Variants in SH3GLB2 observed in about 807,000 individuals in gnomAD.
SH3GLB2 encodes the protein SH3 domain containing GRB2 like, endophilin B2, also known as endophilin-B2.
A neutral mutation model predicts 48.0 loss-of-function variants in SH3GLB2; 24 were observed. The observed-to-expected ratio is 0.50, with a 90% CI of 0.36 to 0.70. The LOEUF (loss-of-function observed/expected upper bound fraction) is 0.70. Among genes scored for constraint, SH3GLB2 ranks in the 30% least tolerant of loss-of-function variants. SH3GLB2 has a pLI of 0.00. For synonymous variants in SH3GLB2, 227 were observed against 207.6 expected (o/e 1.09, Z -0.80); for missense variants, 425 against 516.0 (o/e 0.82, Z 1.71).
intron 1 of SH3GLB2, among the ~76,000 whole-genome samples, chr9:129,026,492 G>A (rs1434561497): frequency 6.6e-6 from 1 of 152,134 alleles, no homozygotes; most frequent in African/African-American, 2.4e-5. Context: ...TGGCAGCAGT[G>A]GGGTGGGCGT....
rs1564575742 is a variant in SH3GLB2, at chr9:129,010,650, CCCCCCAGG to C, written c.648+12_648+19del. 6.2e-7 allele frequency: 1 copy of C among 1,613,510 alleles called. No individual in the cohort carries two copies. Among genetic ancestry groups the C allele is most frequent in the Admixed American group, 1.7e-5 (1 of 59,998 alleles). ...GCCACCCCTTCTTCCTCGAGCCCAG[CCCCCCAGG>C]CCCCAACTTACCTTGTCCACTTCAT... On this transcript the variant is annotated intron_variant, in intron 7 of 10. Transcript: ENST00000372564.
intron 7 of SH3GLB2, 39 bp from the exon 8 acceptor site, chr9:129,010,248 C>T: frequency 6.4e-7 from 1 of 1,560,196 alleles, no homozygotes; most frequent in Non-Finnish European, 8.8e-7. Flanking sequence ...CCACACACCA[C>T]CCACCAGCTT....
At chr9:129,023,642 A>G (rs988441751) in intron 1 of SH3GLB2, among the ~76,000 whole-genome samples, 27 of 152,124 alleles carry the variant, frequency 1.8e-4, no homozygotes, top group African/African-American at 5.8e-4. Context: ...TCGGTCAGCC[A>G]TGAATCATCC....
At chr9:129,013,987 T>A in intron 5 of SH3GLB2, 1 of 462,542 alleles carries the variant, frequency 2.2e-6, no homozygotes, top group Non-Finnish European at 4.3e-6. Flanking sequence ...AGCTCCCAGG[T>A]TTTCCACACC....
rs372790260 is a variant in SH3GLB2, at chr9:129,022,030, T to C, written c.205+252A>G. ...TTTTGCCTGCCTCTTCTCCCACGTG[T>C]GTTTTAGCTTCCAGGCATTTTAACT... is the stretch of plus-strand genomic sequence containing the variant. On this transcript the variant is annotated intron_variant, in intron 2 of 10. Coordinates refer to ENST00000372564, the MANE Select transcript of SH3GLB2 (RefSeq NM_020145.4). 9.9e-5 allele frequency among the ~76,000 whole-genome samples: 15 copies of C among 151,470 alleles called. No individual in the cohort carries two copies. In the South Asian group the frequency reaches 3.1e-3, roughly 32 times the overall value.
chr9:129,022,537 C>T, intron 1 of SH3GLB2, 114 bp from the exon 2 acceptor site: 1 of 953,038 alleles, frequency 1.0e-6, no homozygotes, highest in Non-Finnish European at 1.6e-6. Context: ...CAGGCAGGCC[C>T]CAGGGTCAAG....
rs879776266 is a variant in SH3GLB2 at position 129,014,723 on chromosome 9, G to A, written c.468+48C>T. The A allele has an allele frequency of 7.5e-6, 12 of 1,591,252 alleles. No homozygotes were observed. The highest frequency in any genetic ancestry group is 6.8e-6 in the Non-Finnish European group (8 of 1,169,532). On this transcript the variant is annotated intron_variant, in intron 4 of 10. Transcript: ENST00000372564. The surrounding 1 kb of genome is among the most constrained non-coding windows in gnomAD (Gnocchi z 4.1). Reference sequence around the variant, plus strand: ...AGCCTGTACTCAAAGGCTCTGAGGAGGGAACTGCCATGGTTACCAGGAAGC... The same window carrying A: ...AGCCTGTACTCAAAGGCTCTGAGGAAGGAACTGCCATGGTTACCAGGAAGC...
At chr9:129,009,408 C>A in intron 9 of SH3GLB2, 62 bp from the exon 10 acceptor site, 2 of 1,550,492 alleles carry the variant, frequency 1.3e-6, no homozygotes, top group Non-Finnish European at 1.7e-6. Flanking sequence ...GAGGCAAACT[C>A]CCCTCCCCAG....
rs977210201 is a variant in SH3GLB2, at chr9:129,014,332, C to G, written c.561+79G>C. 1.4e-5 allele frequency: 19 copies of G among 1,327,146 alleles called. No individual in the cohort carries two copies. The Admixed American group carries it at 3.6e-4, about 25-fold the overall frequency. 82.2% of individuals were successfully genotyped at this position (1,327,146 alleles called of 1,614,324 possible). On this transcript the variant is annotated intron_variant, in intron 5 of 10. Coordinates refer to ENST00000372564, the MANE Select transcript of SH3GLB2 (RefSeq NM_020145.4). The surrounding 1 kb of genome is among the most constrained non-coding windows in gnomAD (Gnocchi z 4.1). ...GAGGGGAGAGAGGTCATGCCAAATA[C>G]CAGGTCCCTTCATGCCACCACCCCT...
intron 1 of SH3GLB2, among the ~76,000 whole-genome samples, chr9:129,027,447 T>C (rs2131313021): frequency 6.6e-6 from 1 of 152,292 alleles, no homozygotes; most frequent in East Asian, 1.9e-4. Flanking sequence ...CCTGTTACTC[T>C]CTGCCCCTAA....
chr9:129,022,695 C>T (rs1448252839), intron 1 of SH3GLB2, among the ~76,000 whole-genome samples: 2 of 152,226 alleles, frequency 1.3e-5, no homozygotes, highest in Admixed American at 6.5e-5. Flanking sequence ...CAAAAATGCA[C>T]CTTCATATAC....
intron 1 of SH3GLB2, among the ~76,000 whole-genome samples, chr9:129,023,204 T>G (rs1843929871): frequency 6.6e-6 from 1 of 152,110 alleles, no homozygotes; most frequent in Non-Finnish European, 1.5e-5. Flanking sequence ...GCCAAACGGT[T>G]GGCTTTGGCC....
At position 129,028,017 on chromosome 9, in the gene SH3GLB2, A is replaced by G. The variant is rs915758198; in HGVS notation, c.63+75T>C. On this transcript the variant is annotated intron_variant, in intron 1 of 10. Coordinates refer to ENST00000372564, the MANE Select transcript of SH3GLB2 (RefSeq NM_020145.4). ...CCCGGGAGGGCTTTCCCGCGTCCCCAGGCGTCTGCCGCAGGGTGCTCCCCG... is the reference window on the plus strand; with the variant it reads ...CCCGGGAGGGCTTTCCCGCGTCCCCGGGCGTCTGCCGCAGGGTGCTCCCCG... The G allele has an allele frequency of 1.1e-5, 15 of 1,384,562 alleles. No individual in the cohort carries two copies. In the African/African-American group the frequency reaches 2.3e-4, roughly 21 times the overall value. 85.8% of individuals were successfully genotyped at this position (1,384,562 alleles called of 1,614,324 possible).
chr9:129,014,140 T>G lies in SH3GLB2; in HGVS notation c.561+271A>C. On this transcript the variant is annotated intron_variant, in intron 5 of 10. Coordinates refer to ENST00000372564, the MANE Select transcript of SH3GLB2 (RefSeq NM_020145.4). This position sits in a 1 kb window ranked among gnomAD's most constrained non-coding sequence, Gnocchi z 4.1. ...GGGCAGGGCAGGGCATGCAGGAGAC[T>G]CCAGCTGCCTGGCGGGGTGGTGCAC... The G allele has an allele frequency of 3.3e-6, 2 of 611,260 alleles. No homozygotes were observed. The highest frequency in any genetic ancestry group is 1.6e-5 in the South Asian group (1 of 61,448). 37.9% of individuals were successfully genotyped at this position (611,260 alleles called of 1,614,324 possible).
intron 1 of SH3GLB2, among the ~76,000 whole-genome samples, chr9:129,027,015 C>G (rs1844202164): frequency 6.6e-6 from 1 of 152,106 alleles, no homozygotes; most frequent in Non-Finnish European, 1.5e-5. Context: ...GAACTGTACT[C>G]AACAGAAACA....
Position 129,014,866 on chromosome 9 carries a change from G to C in SH3GLB2, c.373C>G (p.Leu125Val). Reference protein sequence around the residue: ...LIKVAEAEKQLGAAERDFIHT... With the variant: ...LIKVAEAEKQVGAAERDFIHT... ...ATAAAATCCCTCTCCGCGGCTCCCA[G>C]TTGCTTTTCAGCTTCTGCCACCTTG... Residue 125 changes from leucine (L) to valine (V), a missense_variant, in exon 4 of 11, where the codon CTG becomes GTG. By Grantham distance (32) the Leu-to-Val change is conservative. Transcript: ENST00000372564. This position sits in a 1 kb window ranked among gnomAD's most constrained non-coding sequence, Gnocchi z 4.1. 1 of 1,614,100 alleles carries C rather than the reference G, an allele frequency of 6.2e-7. No homozygotes were observed. The highest frequency in any genetic ancestry group is 8.5e-7 in the Non-Finnish European group (1 of 1,180,034).
chr9:129,016,154 A>G (rs1477658564), intron 3 of SH3GLB2, among the ~76,000 whole-genome samples: 1 of 151,562 alleles, frequency 6.6e-6, no homozygotes, highest in Non-Finnish European at 1.5e-5. Flanking sequence ...ACCAACCTGG[A>G]CAACATGGCA....
rs779458627 is a variant in SH3GLB2, at chr9:129,009,817, C to T, written c.793G>A (p.Ala265Thr). 21 of 1,613,874 alleles carry T rather than the reference C, an allele frequency of 1.3e-5. No homozygotes were observed. Among genetic ancestry groups the T allele is most frequent in the Non-Finnish European group, 1.6e-5 (19 of 1,179,960 alleles). Residue 265 changes from alanine to threonine, a missense_variant, in exon 9 of 11, where the codon GCA becomes ACA. Ala to Thr is a moderately conservative substitution (Grantham distance 58). Transcript: ENST00000372564. Reference sequence around the variant, plus strand: ...TCCAGCATGTGGCGGTAGCACTGTGCGTAGTAGGTTGTCTGAGACTTGACG... The same window carrying T: ...TCCAGCATGTGGCGGTAGCACTGTGTGTAGTAGGTTGTCTGAGACTTGACG... ...EFVKSQTTYYAQCYRHMLDLQ... is the reference protein window; with the variant it reads ...EFVKSQTTYYTQCYRHMLDLQ...
chr9:129,013,063 A>G, intron 5 of SH3GLB2: 1 of 1,550,748 alleles, frequency 6.4e-7, no homozygotes, highest in Non-Finnish European at 8.7e-7. Context: ...AACAAAAACA[A>G]AGAGTTAGTG....
Sources: gnomAD v4.1 joint callset for allele counts (sites outside exome capture counted in the v4.1 genomes callset) on GRCh38, gnomAD v4.1.1 for gene constraint, Gnocchi (gnomAD v3.1) non-coding constraint, MANE v1.5 for transcripts, NCBI Gene and HGNC (gene_info 2026-07-23, HGNC 2026-07-21) for gene names.